The following RNF169 variants were observed in gnomAD, a reference collection of about 807,000 sequenced individuals.
RNF169 encodes ring finger protein 169, also known as E3 ubiquitin-protein ligase RNF169.
A neutral mutation model predicts 53.9 loss-of-function variants in RNF169; 24 were observed. That is an observed-to-expected ratio of 0.45 (90% CI 0.32 to 0.63). The LOEUF is 0.63. Among genes scored for constraint, RNF169 ranks in the 20% least tolerant of loss-of-function variants. The pLI is 0.04. For missense variants in RNF169, 883 were observed against 906.2 expected (o/e 0.97, Z 0.33); for synonymous variants, 396 against 363.5 (o/e 1.09, Z -1.02).
intron 3 of RNF169, among the ~76,000 whole-genome samples, chr11:74,813,915 C>T (rs1052059297): frequency 5.5e-4 from 84 of 152,278 alleles, no homozygotes; most frequent in African/African-American, 1.9e-3. Flanking sequence ...TGGTCTCGAT[C>T]TCTTGAACTC....
At chr11:74,825,816 C>T (rs1399540235) in intron 4 of RNF169, among the ~76,000 whole-genome samples, 1 of 152,124 alleles carries the variant, frequency 6.6e-6, no homozygotes, top group Non-Finnish European at 1.5e-5. Flanking sequence ...CAAGTAGGCT[C>T]CATCCCATGT....
At chr11:74,768,021 T>C (rs1204400007) in intron 1 of RNF169, among the ~76,000 whole-genome samples, 2 of 152,134 alleles carry the variant, frequency 1.3e-5, no homozygotes, top group African/African-American at 2.4e-5. Context: ...TAAGGATGAT[T>C]AGTGGCCAAG....
chr11:74,762,380 C>T (rs2135313831), intron 1 of RNF169, among the ~76,000 whole-genome samples: 1 of 152,290 alleles, frequency 6.6e-6, no homozygotes, highest in East Asian at 1.9e-4. Context: ...GAGAGGCGCT[C>T]TGCCTTTTAG....
At chr11:74,759,846 C>T (rs1054841258) in intron 1 of RNF169, among the ~76,000 whole-genome samples, 7 of 151,778 alleles carry the variant, frequency 4.6e-5, no homozygotes, top group Non-Finnish European at 8.8e-5. Context: ...GGGAGGATTC[C>T]CTCTTTTTCT....
chr11:74,827,223 A>G (rs1056605111), intron 4 of RNF169, among the ~76,000 whole-genome samples: 9 of 152,230 alleles, frequency 5.9e-5, no homozygotes, highest in African/African-American at 1.4e-4. Flanking sequence ...TAAGCCACCA[A>G]GGCTTGGGGC....
At chr11:74,801,548 A>T (rs2035729288) in intron 2 of RNF169, among the ~76,000 whole-genome samples, 1 of 152,206 alleles carries the variant, frequency 6.6e-6, no homozygotes, top group South Asian at 2.1e-4. Context: ...AGCTTGTATT[A>T]TATTCCTTTC....
rs1565166306 is a variant in RNF169 at position 74,749,025 on chromosome 11, GTGT to G, written c.149_151del (p.Leu50del). 1 of 1,482,778 alleles carries G rather than the reference GTGT, an allele frequency of 6.7e-7. No individual in the cohort carries two copies. Among genetic ancestry groups the G allele is most frequent in the Admixed American group, 2.2e-5 (1 of 45,112 alleles). 91.9% of individuals were successfully genotyped at this position (1,482,778 alleles called of 1,614,324 possible). ...CCCGGCTTCTGGACCTTCGCTGTTG[GTGT>G]TGTCGCCGCCGTTGCTGCAGCCGCC... On this transcript the variant is annotated inframe_deletion, in exon 1 of 6. Transcript: ENST00000299563.
chr11:74,777,354 G>A (rs1251441014), intron 1 of RNF169, among the ~76,000 whole-genome samples: 2 of 152,162 alleles, frequency 1.3e-5, no homozygotes, highest in African/African-American at 2.4e-5. Flanking sequence ...AAAGGATTTT[G>A]TATCATGGTG....
chr11:74,769,503 T>C (rs4944061), intron 1 of RNF169, among the ~76,000 whole-genome samples: 38,468 of 152,018 alleles, frequency 0.25, 5,766 homozygotes, highest in East Asian at 0.54. Flanking sequence ...AGTGAAACTC[T>C]TGTGTACATA....
rs940698088 is a variant in RNF169, at chr11:74,806,116, A to T, written c.577-4068A>T. 5.9e-5 allele frequency among the ~76,000 whole-genome samples: 9 copies of T among 152,324 alleles called. No homozygotes were observed. The East Asian group carries it at 1.5e-3, about 26-fold the overall frequency. On this transcript the variant is annotated intron_variant, in intron 2 of 5. Transcript: ENST00000299563. The stretch of plus-strand genomic sequence containing the variant: ...CTGACAATTGCTTCATATCCAAAAA[A>T]TATAAAGAACTCTTACAAATTACTA...
chr11:74,831,097 A>C (rs2036171276), intron 4 of RNF169: 1 of 152,206 alleles, frequency 6.6e-6, no homozygotes, highest in Admixed American at 6.5e-5. Flanking sequence ...AACAAGATAA[A>C]TGATGTCTAC....
chr11:74,825,436 C>T (rs188851256), intron 4 of RNF169, among the ~76,000 whole-genome samples: 2 of 152,284 alleles, frequency 1.3e-5, no homozygotes, highest in East Asian at 3.9e-4. Context: ...TATACACCCT[C>T]TTAAGACTGA....
intron 4 of RNF169, among the ~76,000 whole-genome samples, chr11:74,822,786 T>A (rs1000535679): frequency 6.8e-4 from 104 of 151,928 alleles, no homozygotes; most frequent in African/African-American, 2.4e-3. Context: ...GGGTTTCTAA[T>A]AAATGTTGAT....
chr11:74,829,635 G>A (rs186948530), intron 4 of RNF169, among the ~76,000 whole-genome samples: 3 of 152,244 alleles, frequency 2.0e-5, no homozygotes, highest in African/African-American at 4.8e-5. Flanking sequence ...AATGTGGTAC[G>A]TATACCCCCA....
At chr11:74,817,743 G>T in intron 4 of RNF169, 29 bp downstream of exon 4, 3 of 1,416,918 alleles carry the variant, frequency 2.1e-6, no homozygotes, top group Non-Finnish European at 3.0e-6. Context: ...ATTCAGTCAG[G>T]GGTCTTTGGT....
chr11:74,805,736 T>G (rs946746250), intron 2 of RNF169, among the ~76,000 whole-genome samples: 1 of 152,164 alleles, frequency 6.6e-6, no homozygotes, highest in East Asian at 1.9e-4. Flanking sequence ...AAGAGTACAG[T>G]TGACCATTGA....
chr11:74,840,261 A>G lies in RNF169; in HGVS notation c.*3531A>G, dbSNP rs1188638322. 6.6e-6 allele frequency: 1 copy of G among 152,214 alleles called. No individual in the cohort carries two copies. 9.4% of individuals were successfully genotyped at this position (152,214 alleles called of 1,614,324 possible). On this transcript the variant is annotated 3_prime_UTR_variant, in exon 6 of 6. Transcript: ENST00000299563. ...CTTGAGGAGCTCAATGTCTAATGGAATGCATTTGAATGTATGTGTGGCTGG... is the reference window on the plus strand; with the variant it reads ...CTTGAGGAGCTCAATGTCTAATGGAGTGCATTTGAATGTATGTGTGGCTGG...
intron 1 of RNF169, among the ~76,000 whole-genome samples, chr11:74,787,122 A>T (rs1463964449): frequency 6.6e-6 from 1 of 152,204 alleles, no homozygotes; most frequent in Non-Finnish European, 1.5e-5. Flanking sequence ...AGAAAATATG[A>T]TGGAATTTGT....
At chr11:74,809,183 T>C (rs1017913413) in intron 2 of RNF169, among the ~76,000 whole-genome samples, 7 of 152,174 alleles carry the variant, frequency 4.6e-5, no homozygotes, top group African/African-American at 1.7e-4. Context: ...GTTCTTTAGC[T>C]TAATTTTTTT....
Sources: gnomAD v4.1 joint callset for allele counts (sites outside exome capture counted in the v4.1 genomes callset) on GRCh38, gnomAD v4.1.1 for gene constraint, MANE v1.5 for transcripts, NCBI Gene and HGNC (gene_info 2026-07-23, HGNC 2026-07-21) for gene names.